GLB1L2: variants seen among roughly 807,000 people sequenced by gnomAD.
GLB1L2 encodes the protein galactosidase beta 1 like 2.
GLB1L2 carries 68 observed loss-of-function variants against 84.1 expected under a neutral mutation model. That is an observed-to-expected ratio of 0.81 (90% confidence interval 0.67 to 0.99). The LOEUF (loss-of-function observed/expected upper bound fraction) is 0.99, where lower values mean the gene tolerates loss of function less well. GLB1L2 is among the 50% of genes least tolerant of loss of function. The probability of loss-of-function intolerance (pLI) is 0.00; values close to 1 mark genes in which losing one functional copy is unlikely to be tolerated. For missense variants in GLB1L2, 762 were observed against 805.6 expected (o/e 0.95, Z 0.66); for synonymous variants, 290 against 318.0 (o/e 0.91, Z 0.94).
At position 134,374,205 on chromosome 11, in the gene GLB1L2, G is replaced by T. The variant is rs1345686026; in HGVS notation, c.1656G>T (p.Leu552Phe). Reference sequence around the variant, plus strand: ...CACCCACATTACCTGCTTTCTTCTTGGGTAGCTTGTCCATCAGCTCCACCC... The same window carrying T: ...CACCCACATTACCTGCTTTCTTCTTTGGTAGCTTGTCCATCAGCTCCACCC... Reference protein sequence around the residue: ...PETPTLPAFFLGSLSISSTPC... With the variant: ...PETPTLPAFFFGSLSISSTPC... Residue 552 changes from leucine to phenylalanine, a missense_variant, in exon 17 of 19, where the codon TTG becomes TTT. Coordinates refer to ENST00000535456, the MANE Select transcript of GLB1L2 (RefSeq NM_001370461.1). 18 of 1,614,022 alleles carry T rather than the reference G, an allele frequency of 1.1e-5. No homozygotes were observed. Among genetic ancestry groups the T allele is most frequent in the Non-Finnish European group, 8.5e-7 (1 of 1,179,988 alleles).
intron 10 of GLB1L2, among the ~76,000 whole-genome samples, chr11:134,369,350 C>G (rs1943908656): frequency 6.6e-6 from 1 of 152,146 alleles, no homozygotes; most frequent in South Asian, 2.1e-4. Flanking sequence ...GCACCCCCAC[C>G]TCTGGCTAAT....
chr11:134,374,740 C>T (rs779099417), intron 18 of GLB1L2, 22 bp downstream of exon 18: 10 of 1,577,968 alleles, frequency 6.3e-6, no homozygotes, highest in Non-Finnish European at 8.7e-6. Flanking sequence ...CAGCCCCTTC[C>T]TGTTCCCCAT....
chr11:134,335,618 G>A (rs1943374790), intron 1 of GLB1L2, among the ~76,000 whole-genome samples: 1 of 152,174 alleles, frequency 6.6e-6, no homozygotes, highest in Admixed American at 6.5e-5. Context: ...ATTGGTATAG[G>A]TGTGATTCAA....
chr11:134,345,096 T>A lies in GLB1L2; in HGVS notation c.416T>A (p.Ile139Asn), dbSNP rs1281926241. ...GTGATTCTGCGTCCAGGCCCCTACA[T>A]CTGCAGTGAGATGGACCTCGGGGGC... ...LWVILRPGPY[I>N]CSEMDLGGLP... Residue 139 changes from isoleucine (I) to asparagine (N), a missense_variant, in exon 4 of 19, where the codon ATC (isoleucine) becomes AAC (asparagine). Transcript: ENST00000535456. 1 of 1,613,418 alleles carries A rather than the reference T, an allele frequency of 6.2e-7. No homozygotes were observed. The highest frequency in any genetic ancestry group is 8.5e-7 in the Non-Finnish European group (1 of 1,179,504).
intron 5 of GLB1L2, 61 bp downstream of exon 5, chr11:134,347,494 CT>C: frequency 8.3e-7 from 1 of 1,199,588 alleles, no homozygotes; most frequent in Non-Finnish European, 1.2e-6. Flanking sequence ...GTGGATCATC[CT>C]TGGTTAGTTC....
rs760643888 is a variant in GLB1L2 at position 134,371,817 on chromosome 11, T to A, written c.1494T>A (p.Asp498Glu). The A allele has an allele frequency of 3.1e-6, 5 of 1,614,100 alleles. No individual in the cohort carries two copies. The highest frequency in any genetic ancestry group is 2.5e-6 in the Non-Finnish European group (3 of 1,179,990). Residue 498 changes from aspartate to glutamate, a missense_variant, in exon 15 of 19, where the codon GAT becomes GAA. By Grantham distance (45) the Asp-to-Glu change is conservative (BLOSUM62 2). Around this residue, in one of 3 missense-constraint regions of GLB1L2, gnomAD observed 603 missense variants for 611.7 expected, o/e 0.99. Coordinates refer to ENST00000535456, the MANE Select transcript of GLB1L2 (RefSeq NM_001370461.1). ...RGRVNYGENI[D>E]DQRKGLIGNL... is the part of the protein sequence containing the mutation. ...GAGTCAACTATGGGGAGAATATTGA[T>A]GACCAGCGCAAAGGTGGGTCCCAGA... is the stretch of plus-strand genomic sequence containing the variant.
At chr11:134,373,662 G>A (rs1943986381) in intron 15 of GLB1L2, 59 bp from the exon 16 acceptor site, 1 of 1,150,142 alleles carries the variant, frequency 8.7e-7, no homozygotes, top group Non-Finnish European at 1.3e-6. Flanking sequence ...CGTGGCCCCG[G>A]CCCAGCTGAC....
rs563132013 is a variant in GLB1L2, at chr11:134,364,597, A to T, written c.804+199A>T. The T allele has an allele frequency of 1.6e-3, 923 of 574,572 alleles. 14 individuals carry two copies. The South Asian group carries it at 0.019, about 12-fold the overall frequency. The allele number at this position is 574,572 out of a possible 1,614,324, so 35.6% of individuals were successfully genotyped here. A position where few individuals can be genotyped will look rare whatever the true frequency, so the allele number is the denominator to read the frequency against. On this transcript the variant is annotated intron_variant, in intron 8 of 18. Coordinates refer to ENST00000535456, the MANE Select transcript of GLB1L2 (RefSeq NM_001370461.1). Reference sequence around the variant, plus strand: ...CCTCTGAGGGCTGCTGTGTAGGCTGATGCAGTGTGGACATCACCCACTGCC... The same window carrying T: ...CCTCTGAGGGCTGCTGTGTAGGCTGTTGCAGTGTGGACATCACCCACTGCC...
chr11:134,335,616 A>G (rs1347748145), intron 1 of GLB1L2, among the ~76,000 whole-genome samples: 1 of 152,158 alleles, frequency 6.6e-6, no homozygotes, highest in Non-Finnish European at 1.5e-5. Flanking sequence ...GTATTGGTAT[A>G]GGTGTGATTC....
intron 10 of GLB1L2, 88 bp downstream of exon 10, chr11:134,368,869 C>T (rs1943902138): frequency 1.4e-6 from 2 of 1,408,854 alleles, no homozygotes; most frequent in East Asian, 4.8e-5. Flanking sequence ...GGGTCAACTT[C>T]TGGCACCTTC....
chr11:134,357,254 T>C (rs1943716662), intron 6 of GLB1L2, among the ~76,000 whole-genome samples: 1 of 152,214 alleles, frequency 6.6e-6, no homozygotes, highest in Non-Finnish European at 1.5e-5. Flanking sequence ...TGCAGAGCAT[T>C]TTCCGTCTGG....
chr11:134,364,227 A>T, intron 7 of GLB1L2, 101 bp from the exon 8 acceptor site: 17 of 849,880 alleles, frequency 2.0e-5, no homozygotes, highest in Admixed American at 2.3e-5. Context: ...AGGGCCGCTT[A>T]CTTTATTGTG....
At chr11:134,358,946 CTTTA>C in intron 6 of GLB1L2, 110 bp from the exon 7 acceptor site, 1 of 714,206 alleles carries the variant, frequency 1.4e-6, no homozygotes. Flanking sequence ...GAAATAAACG[CTTTA>C]TTTGTCATCT....
At chr11:134,353,046 T>C (rs561877289) in intron 5 of GLB1L2, among the ~76,000 whole-genome samples, 1 of 152,328 alleles carries the variant, frequency 6.6e-6, no homozygotes, top group East Asian at 1.9e-4. Context: ...TTTTGGTTAT[T>C]GATTTCTAGT....
chr11:134,332,663 C>T (rs1315902755), intron 1 of GLB1L2, among the ~76,000 whole-genome samples: 1 of 152,174 alleles, frequency 6.6e-6, no homozygotes, highest in Admixed American at 6.5e-5. Flanking sequence ...CCGTGGGCCT[C>T]CAAGATCCCG....
At chr11:134,369,478 A>ATCCTCCTGCCTTGGCCTCCCAAAGT (rs2136287567) in intron 10 of GLB1L2, among the ~76,000 whole-genome samples, 1 of 143,822 alleles carries the variant, frequency 7.0e-6, no homozygotes. Flanking sequence ...TACAGGTGCG[A>ATCCTCCTGCCTTGGCCTCCCAAAGT]GCTGCTGCAC....
chr11:134,372,697 G>A (rs917265924), intron 15 of GLB1L2: 1 of 152,254 alleles, frequency 6.6e-6, no homozygotes, highest in Non-Finnish European at 1.5e-5. Context: ...GTTTGTGACG[G>A]AGGAAACTTG....
intron 1 of GLB1L2, among the ~76,000 whole-genome samples, chr11:134,340,716 G>C (rs547371109): frequency 6.6e-6 from 1 of 152,330 alleles, no homozygotes; most frequent in South Asian, 2.1e-4. Flanking sequence ...AGCTTTGCAG[G>C]CCACGCAGTC....
chr11:134,336,578 G>A (rs564504914), intron 1 of GLB1L2, among the ~76,000 whole-genome samples: 8 of 152,300 alleles, frequency 5.3e-5, no homozygotes, highest in South Asian at 2.1e-4. Context: ...ATTGCTGACC[G>A]TAGGATAGAT....
Sources: allele counts gnomAD v4.1 joint callset (sites outside exome capture counted in the v4.1 genomes callset), GRCh38; gene constraint gnomAD v4.1.1; regional missense constraint gnomAD v4.1.1; transcripts MANE v1.5; gene names NCBI Gene and HGNC (gene_info 2026-07-23, HGNC 2026-07-21).